The following CMSS1 variants were observed in gnomAD, a reference collection of about 807,000 sequenced individuals.
CMSS1 encodes cms1 ribosomal small subunit homolog, also known as protein CMSS1.
CMSS1 carries 33 observed loss-of-function variants against 43.5 expected under a neutral mutation model. That is an observed-to-expected ratio of 0.76 (90% CI 0.57 to 1.01). CMSS1 has a LOEUF of 1.01. Among genes scored for constraint, CMSS1 ranks in the 50% least tolerant of loss-of-function variants. CMSS1 has a pLI of 0.00. For missense variants in CMSS1, 313 were observed against 326.4 expected (o/e 0.96, Z 0.32); for synonymous variants, 115 against 117.2 (o/e 0.98, Z 0.12).
chr3:99,867,930 A>G (rs1944600800), intron 1 of CMSS1, among the ~76,000 whole-genome samples: 1 of 152,218 alleles, frequency 6.6e-6, no homozygotes, highest in Admixed American at 6.5e-5. Context: ...TACTAAATTC[A>G]AAGTACAATT....
intron 1 of CMSS1, among the ~76,000 whole-genome samples, chr3:99,940,934 G>A (rs1707832198): frequency 6.6e-6 from 1 of 152,220 alleles, no homozygotes; most frequent in Admixed American, 6.5e-5. Context: ...TTGTAGAGAA[G>A]ATGTTGCAAC....
At chr3:99,841,557 A>G (rs1401666416) in intron 1 of CMSS1, among the ~76,000 whole-genome samples, 1 of 152,208 alleles carries the variant, frequency 6.6e-6, no homozygotes, top group Non-Finnish European at 1.5e-5. Flanking sequence ...GCTGAGGACG[A>G]GGTAGGCTTT....
chr3:100,024,527 G>A (rs1203526795), intron 1 of CMSS1, among the ~76,000 whole-genome samples: 1 of 152,036 alleles, frequency 6.6e-6, no homozygotes, highest in Non-Finnish European at 1.5e-5. Flanking sequence ...ACCTTTCATA[G>A]GAAGCAACTG....
chr3:100,018,819 G>A (rs941658975), intron 1 of CMSS1, among the ~76,000 whole-genome samples: 3 of 151,018 alleles, frequency 2.0e-5, no homozygotes, highest in Non-Finnish European at 4.4e-5. Context: ...TCAGGTAAGG[G>A]GTTAATGTAT....
intron 1 of CMSS1, among the ~76,000 whole-genome samples, chr3:99,884,402 G>C (rs1405356211): frequency 6.6e-6 from 1 of 152,126 alleles, no homozygotes; most frequent in Non-Finnish European, 1.5e-5. Flanking sequence ...TTCTGAATCT[G>C]TTATCTTGTT....
At chr3:100,131,810 G>A (rs2066710821) in intron 1 of CMSS1, among the ~76,000 whole-genome samples, 1 of 152,160 alleles carries the variant, frequency 6.6e-6, no homozygotes. Flanking sequence ...TTAAATAAAA[G>A]TGTCATGACA....
intron 1 of CMSS1, among the ~76,000 whole-genome samples, chr3:99,976,930 A>G (rs1576614485): frequency 6.6e-6 from 1 of 152,266 alleles, no homozygotes; most frequent in Middle Eastern, 3.4e-3. Flanking sequence ...CAAGGAGAAG[A>G]GTCTGTGAGT....
intron 1 of CMSS1, among the ~76,000 whole-genome samples, chr3:99,883,900 T>G (rs920687175): frequency 1.3e-5 from 2 of 152,132 alleles, no homozygotes; most frequent in African/African-American, 4.8e-5. Context: ...GGCACCAGAG[T>G]TTGAACTGCA....
intron 1 of CMSS1, among the ~76,000 whole-genome samples, chr3:100,072,290 G>T (rs2065775678): frequency 1.3e-5 from 2 of 152,198 alleles, no homozygotes; most frequent in African/African-American, 2.4e-5. Context: ...ATTGATAGGA[G>T]ATAATTTTCT....
intron 1 of CMSS1, chr3:99,848,352 G>T (rs1300957386): frequency 1.2e-6 from 2 of 1,613,998 alleles, no homozygotes; most frequent in Non-Finnish European, 1.7e-6. Flanking sequence ...TAATACTGCT[G>T]GTGACTTTAT....
At position 99,886,124 on chromosome 3, in the gene CMSS1, C is replaced by T. The variant is rs540830592; in HGVS notation, c.64+68081C>T. Among the ~76,000 whole-genome samples the T allele has an allele frequency of 1.4e-4, 22 of 152,294 alleles. No individual in the cohort carries two copies. The South Asian group carries it at 1.9e-3, about 13-fold the overall frequency. On this transcript the variant is annotated intron_variant, in intron 1 of 9. Coordinates refer to ENST00000421999, the MANE Select transcript of CMSS1 (RefSeq NM_032359.4). ...CTATGTGTGCACACGTGCACATGGA[C>T]GTGAGTGAGAGATGATTTATAGATA... is the stretch of plus-strand genomic sequence containing the variant.
At chr3:100,122,275 C>G (rs2066628135) in intron 1 of CMSS1, among the ~76,000 whole-genome samples, 1 of 152,186 alleles carries the variant, frequency 6.6e-6, no homozygotes, top group Non-Finnish European at 1.5e-5. Flanking sequence ...CTAGACCCCC[C>G]TTTCTGGTGT....
At chr3:100,077,493 T>C (rs910312212) in intron 1 of CMSS1, among the ~76,000 whole-genome samples, 1 of 152,212 alleles carries the variant, frequency 6.6e-6, no homozygotes, top group African/African-American at 2.4e-5. Context: ...GCAGTGTGTA[T>C]TTAAGATAAG....
chr3:100,038,981 AT>A (rs2065156934), intron 1 of CMSS1, among the ~76,000 whole-genome samples: 1 of 152,206 alleles, frequency 6.6e-6, no homozygotes, highest in African/African-American at 2.4e-5. Context: ...CACACACAAT[AT>A]TGCTTGCCTA....
intron 1 of CMSS1, among the ~76,000 whole-genome samples, chr3:100,073,945 G>C (rs1049754771): frequency 1.3e-5 from 2 of 152,030 alleles, no homozygotes; most frequent in African/African-American, 2.4e-5. Flanking sequence ...TGGTTTTCCT[G>C]TTTCCTTTCG....
chr3:100,074,711 T>TTTTTTTTTTTTTTA (rs2065822129), intron 1 of CMSS1, among the ~76,000 whole-genome samples: 1 of 123,588 alleles, frequency 8.1e-6, no homozygotes, highest in Middle Eastern at 3.6e-3. Flanking sequence ...TTTTTTTTTT[T>TTTTTTTTTTTTTTA]GAGACGAAGT....
At chr3:99,966,842 T>G (rs4928149) in intron 1 of CMSS1, among the ~76,000 whole-genome samples, 2 of 152,096 alleles carry the variant, frequency 1.3e-5, no homozygotes, top group South Asian at 2.1e-4. Flanking sequence ...CTTGAACGAC[T>G]TAGAGATTTA....
At chr3:100,022,487 A>T (rs2064844169) in intron 1 of CMSS1, among the ~76,000 whole-genome samples, 1 of 152,230 alleles carries the variant, frequency 6.6e-6, no homozygotes, top group Admixed American at 6.5e-5. Flanking sequence ...AACAGCATTG[A>T]GCATGATTTT....
At chr3:99,901,511 T>A (rs564124306) in intron 1 of CMSS1, among the ~76,000 whole-genome samples, 2 of 152,362 alleles carry the variant, frequency 1.3e-5, no homozygotes, top group African/African-American at 4.8e-5. Flanking sequence ...TTTCAAATTA[T>A]GTACTTTTGC....
Sources: gnomAD v4.1 joint callset for allele counts (sites outside exome capture counted in the v4.1 genomes callset) on GRCh38, gnomAD v4.1.1 for gene constraint, MANE v1.5 for transcripts, NCBI Gene and HGNC (gene_info 2026-07-23, HGNC 2026-07-21) for gene names.